MCTP2: variants seen among roughly 807,000 people sequenced by gnomAD.
The protein encoded by MCTP2 is multiple C2 and transmembrane domain-containing protein 2.
A neutral mutation model predicts 111.6 loss-of-function variants in MCTP2; 132 were observed. The observed-to-expected ratio is 1.18, with a 90% CI of 1.03 to 1.37. The LOEUF is 1.37. Ranked by LOEUF, MCTP2 falls within the 40% of genes most tolerant of loss-of-function variation. The pLI is 0.00. For synonymous variants in MCTP2, 395 were observed against 387.7 expected, an observed-to-expected ratio of 1.02 and a Z score of -0.22; for missense variants, 1,183 against 1,067.9, an observed-to-expected ratio of 1.11 and a Z score of -1.50.
chr15:94,412,955 C>T (rs543754085), intron 17 of MCTP2, among the ~76,000 whole-genome samples: 23 of 152,186 alleles, frequency 1.5e-4, no homozygotes, highest in Admixed American at 1.1e-3. Flanking sequence ...CCTCTTTCGG[C>T]AAATTTGATT....
intron 4 of MCTP2, among the ~76,000 whole-genome samples, chr15:94,321,757 G>A (rs575262360): frequency 9.2e-5 from 14 of 152,258 alleles, no homozygotes; most frequent in South Asian, 4.1e-4. Flanking sequence ...TATAACTTTT[G>A]AATTCCCCAA....
intron 1 of MCTP2, among the ~76,000 whole-genome samples, chr15:94,253,858 T>TA (rs942119396): frequency 2.4e-4 from 35 of 148,196 alleles, no homozygotes; most frequent in Admixed American, 1.1e-3. Context: ...CTCATCAGCT[T>TA]AAAAAAAAAA....
chr15:94,258,101 C>G (rs1164455230), intron 1 of MCTP2, among the ~76,000 whole-genome samples: 1 of 149,484 alleles, frequency 6.7e-6, no homozygotes, highest in Non-Finnish European at 1.5e-5. Context: ...GTCTCGAACC[C>G]CTGACCTCAA....
At chr15:94,256,425 C>G (rs2152274701) in intron 1 of MCTP2, among the ~76,000 whole-genome samples, 1 of 152,296 alleles carries the variant, frequency 6.6e-6, no homozygotes, top group Middle Eastern at 3.4e-3. Context: ...ACCCTCCTCC[C>G]CATGTCTGTT....
Position 94,344,999 on chromosome 15 carries a change from T to C in MCTP2, c.970-130T>C, listed in dbSNP as rs1182900375. The C allele has an allele frequency of 9.3e-6, 10 of 1,077,564 alleles. No individual in the cohort carries two copies. The Admixed American group carries it at 1.5e-4, about 16-fold the overall frequency. 66.8% of individuals were successfully genotyped at this position (1,077,564 alleles called of 1,614,324 possible). A position where few individuals can be genotyped will look rare whatever the true frequency, so the allele number is the denominator to read the frequency against. ...GCTCAAATATGCTTTCTCTATAACC[T>C]CAGAACTTGGATATTAATTATCTGA... On this transcript the variant is annotated intron_variant, in intron 7 of 22. Coordinates refer to ENST00000357742, the MANE Select transcript of MCTP2 (RefSeq NM_001385001.1).
intron 1 of MCTP2, among the ~76,000 whole-genome samples, chr15:94,232,284 A>C (rs1478745168): frequency 6.6e-6 from 1 of 151,094 alleles, no homozygotes. Flanking sequence ...GGCTTTTTTT[A>C]AATGATTGGG....
At chr15:94,404,675 G>A (rs142738837) in intron 17 of MCTP2, among the ~76,000 whole-genome samples, 2 of 151,606 alleles carry the variant, frequency 1.3e-5, no homozygotes, top group East Asian at 1.9e-4. Flanking sequence ...CTTTGAAAAC[G>A]CCTTCATTTA....
chr15:94,464,195 C>T (rs2085380469), intron 20 of MCTP2, among the ~76,000 whole-genome samples: 1 of 132,082 alleles, frequency 7.6e-6, no homozygotes, highest in Admixed American at 7.6e-5. Context: ...TGAAGTTTTC[C>T]TTTGGAGATG....
chr15:94,466,332 A>G (rs2073294368), intron 20 of MCTP2, among the ~76,000 whole-genome samples: 1 of 152,104 alleles, frequency 6.6e-6, no homozygotes, highest in Admixed American at 6.6e-5. Context: ...AGAGTACTCA[A>G]ACATCATAGT....
intron 17 of MCTP2, among the ~76,000 whole-genome samples, chr15:94,435,489 T>G (rs1269378230): frequency 6.6e-6 from 1 of 152,022 alleles, no homozygotes; most frequent in Non-Finnish European, 1.5e-5. Flanking sequence ...GAAAATGATT[T>G]CGATATTTTA....
At chr15:94,422,476 C>CA in intron 17 of MCTP2, among the ~76,000 whole-genome samples, 1 of 152,170 alleles carries the variant, frequency 6.6e-6, no homozygotes, top group East Asian at 1.9e-4. Flanking sequence ...GCATCCCAGG[C>CA]AAAAGCGATC....
intron 19 of MCTP2, among the ~76,000 whole-genome samples, chr15:94,448,539 A>G (rs1241546219): frequency 6.6e-6 from 1 of 152,252 alleles, no homozygotes; most frequent in Non-Finnish European, 1.5e-5. Flanking sequence ...TAATTATCAA[A>G]GGAAATGATC....
At chr15:94,299,632 T>C (rs1200276475) in intron 2 of MCTP2, among the ~76,000 whole-genome samples, 1 of 152,234 alleles carries the variant, frequency 6.6e-6, no homozygotes, top group Non-Finnish European at 1.5e-5. Flanking sequence ...AAGTGACTGA[T>C]GTAATTAGTT....
At chr15:94,316,346 A>G (rs1274547403) in intron 4 of MCTP2, among the ~76,000 whole-genome samples, 1 of 152,160 alleles carries the variant, frequency 6.6e-6, no homozygotes, top group African/African-American at 2.4e-5. Flanking sequence ...GCTGTAATGA[A>G]CATATTGTAT....
intron 1 of MCTP2, among the ~76,000 whole-genome samples, chr15:94,250,831 G>A (rs1342837211): frequency 1.3e-5 from 2 of 152,198 alleles, no homozygotes; most frequent in Non-Finnish European, 2.9e-5. Context: ...TATCTGCTCT[G>A]GGAAAAAGCT....
At chr15:94,251,154 G>A (rs1030279993) in intron 1 of MCTP2, among the ~76,000 whole-genome samples, 18 of 152,316 alleles carry the variant, frequency 1.2e-4, no homozygotes, top group African/African-American at 3.1e-4. Flanking sequence ...CAGAGCTGCC[G>A]TAGCCACAGT....
chr15:94,373,052 G>A (rs539933072), intron 12 of MCTP2, among the ~76,000 whole-genome samples: 9 of 152,258 alleles, frequency 5.9e-5, no homozygotes, highest in East Asian at 1.9e-4. Context: ...TATAGTTACC[G>A]TTTTGGGGGC....
chr15:94,240,731 C>A (rs896110366), intron 1 of MCTP2, among the ~76,000 whole-genome samples: 3 of 152,138 alleles, frequency 2.0e-5, no homozygotes, highest in Non-Finnish European at 4.4e-5. Flanking sequence ...AGTCTCTATC[C>A]TTTATCTGAT....
chr15:94,298,697 T>C lies in MCTP2; in HGVS notation c.432T>C (p.Thr144=). 1 of 1,611,966 alleles carries C rather than the reference T, an allele frequency of 6.2e-7. No homozygotes were observed. Among genetic ancestry groups the C allele is most frequent in the Non-Finnish European group, 8.5e-7 (1 of 1,179,352 alleles). Residue 144 remains threonine (T), a synonymous_variant, in exon 2 of 23, where the codon ACT becomes ACC. Transcript: ENST00000357742. The part of the protein sequence containing the change: ...SSNGIFDLQK[T]SLGGDAPEEP... The stretch of plus-strand genomic sequence containing the variant: ...ACGGCATCTTTGATCTTCAGAAAAC[T>C]TCCCTTGGAGGGGATGCACCAGAAG...
Sources: allele counts gnomAD v4.1 joint callset (sites outside exome capture counted in the v4.1 genomes callset), GRCh38; gene constraint gnomAD v4.1.1; transcripts MANE v1.5; gene names NCBI Gene and HGNC (gene_info 2026-07-23, HGNC 2026-07-21).